Variants in PRDM16 observed in about 807,000 individuals in gnomAD.
The protein encoded by PRDM16 is histone-lysine N-methyltransferase PRDM16.
In PRDM16, 23 loss-of-function variants were observed where a neutral mutation model predicts 110.6. The ratio of observed to expected loss-of-function variants is 0.21; its 90% CI spans 0.15 to 0.29. PRDM16 has a LOEUF of 0.29. PRDM16 is among the 10% of genes least tolerant of loss of function. The pLI is 1.00. For synonymous variants in PRDM16, 799 were observed against 781.8 expected (o/e 1.02, Z -0.37); for missense variants, 1,615 against 1,794.3 (o/e 0.90, Z 1.81).
chr1:3,118,349 T>C (rs1470076696), intron 1 of PRDM16, among the ~76,000 whole-genome samples: 1 of 152,144 alleles, frequency 6.6e-6, no homozygotes, highest in Non-Finnish European at 1.5e-5. Context: ...GGATGGCAAT[T>C]CACACTCCTG....
rs767242607 is a variant in PRDM16 at position 3,412,047 on chromosome 1, C to T, written c.1850C>T (p.Thr617Met). The T allele has an allele frequency of 1.3e-5, 21 of 1,610,946 alleles. No individual in the cohort carries two copies. Among genetic ancestry groups the T allele is most frequent in the Middle Eastern group, 1.6e-4 (1 of 6,070 alleles). ...ACCACCACGGGGACCGACCTGGACA[C>T]GACCACGGGGACGGGCTCGGACCTG... ...VNTTTGTDLD[T>M]TTGTGSDLDS... The change falls in exon 9 of 17, where the codon ACG becomes ATG. Residue 617 changes from threonine (T) to methionine (M), a missense_variant. Coordinates refer to ENST00000270722, the MANE Select transcript of PRDM16 (RefSeq NM_022114.4).
At chr1:3,297,548 C>T (rs972485093) in intron 3 of PRDM16, among the ~76,000 whole-genome samples, 3 of 152,030 alleles carry the variant, frequency 2.0e-5, no homozygotes, top group Non-Finnish European at 4.4e-5. Context: ...TCTCCAAAAA[C>T]GGTGGGATTG....
chr1:3,279,678 A>G (rs1350838874), intron 3 of PRDM16, among the ~76,000 whole-genome samples: 1 of 152,128 alleles, frequency 6.6e-6, no homozygotes, highest in East Asian at 1.9e-4. Context: ...GTGCTGCAGG[A>G]GGGCAGAGGG....
At chr1:3,376,968 G>A (rs577881040) in intron 3 of PRDM16, among the ~76,000 whole-genome samples, 5 of 152,314 alleles carry the variant, frequency 3.3e-5, no homozygotes, top group African/African-American at 9.6e-5. Context: ...TGTTCACACC[G>A]GACCGAGGTG....
Position 3,412,479 on chromosome 1 carries a change from C to T in PRDM16, c.2282C>T (p.Ala761Val). The change falls in exon 9 of 17, where the codon GCC becomes GTC. Residue 761 changes from alanine (A) to valine (V), a missense_variant. Physicochemically the swap from Ala to Val is moderately conservative, Grantham distance 64. Around this residue, in one of 5 missense-constraint regions of PRDM16, gnomAD observed 772 missense variants for 748.3 expected, o/e 1.03. Transcript: ENST00000270722. ...VKAEPKSPRDALKVGGPSAEC... is the reference protein window; with the variant it reads ...VKAEPKSPRDVLKVGGPSAEC... The stretch of plus-strand genomic sequence containing the variant: ...GCCGAGCCAAAGTCACCCCGGGACG[C>T]CCTCAAGGTGGGCGGCCCCAGTGCC... The T allele has an allele frequency of 6.2e-7, 1 of 1,613,512 alleles. No homozygotes were observed. Among genetic ancestry groups the T allele is most frequent in the East Asian group, 2.2e-5 (1 of 44,868 alleles).
At chr1:3,424,393 C>T (rs1446560284) in intron 12 of PRDM16, among the ~76,000 whole-genome samples, 1 of 152,268 alleles carries the variant, frequency 6.6e-6, no homozygotes, top group Non-Finnish European at 1.5e-5. Flanking sequence ...GAACCCTCCA[C>T]ACGCAGCCCT....
intron 2 of PRDM16, among the ~76,000 whole-genome samples, chr1:3,232,010 A>G (rs2455116): frequency 0.39 from 59,961 of 152,174 alleles, 17,804 homozygotes; most frequent in African/African-American, 0.82. Context: ...TTAGGAAAGC[A>G]TGCAGTCTTG....
In PRDM16 at chr1:3,085,334, C is replaced by T. The variant is rs116697061; in HGVS notation, c.37+16038C>T. 3.3e-3 allele frequency among the ~76,000 whole-genome samples: 496 copies of T among 152,318 alleles called. 1 individual carries two copies. The highest frequency in any genetic ancestry group is 6.1e-3 in the Admixed American group (94 of 15,308). On this transcript the variant is annotated intron_variant, in intron 1 of 16. Transcript: ENST00000270722. ...CATCCCACAGCCAAGAACCAAGGTGCGGCTAGATACCCAGCAGGACCTGGG... is the reference window on the plus strand; with the variant it reads ...CATCCCACAGCCAAGAACCAAGGTGTGGCTAGATACCCAGCAGGACCTGGG...
At chr1:3,322,312 G>A (rs188898947) in intron 3 of PRDM16, among the ~76,000 whole-genome samples, 12 of 152,224 alleles carry the variant, frequency 7.9e-5, no homozygotes, top group Admixed American at 6.5e-4. Context: ...AAACAGGCCC[G>A]GAATAAACGG....
intron 3 of PRDM16, among the ~76,000 whole-genome samples, chr1:3,360,747 C>T (rs1244442903): frequency 6.6e-6 from 1 of 152,196 alleles, no homozygotes; most frequent in African/African-American, 2.4e-5. Context: ...GACAGGAGTC[C>T]AACTGACCGA....
chr1:3,344,404 G>T (rs1216786382), intron 3 of PRDM16, among the ~76,000 whole-genome samples: 1 of 151,978 alleles, frequency 6.6e-6, no homozygotes, highest in Non-Finnish European at 1.5e-5. Context: ...ATTATAATTG[G>T]CATTTCCCTG....
At chr1:3,219,552 G>C (rs1237649577) in intron 2 of PRDM16, among the ~76,000 whole-genome samples, 1 of 152,232 alleles carries the variant, frequency 6.6e-6, no homozygotes, top group Non-Finnish European at 1.5e-5. Context: ...GGAACAGAGA[G>C]AGTCAGAAGC....
At chr1:3,138,859 G>C (rs1293020059) in intron 1 of PRDM16, among the ~76,000 whole-genome samples, 3 of 152,180 alleles carry the variant, frequency 2.0e-5, no homozygotes, top group Non-Finnish European at 2.9e-5. Context: ...GCTTGGTGCA[G>C]CTGCCATCTT....
At chr1:3,216,615 G>T (rs987003209) in intron 2 of PRDM16, among the ~76,000 whole-genome samples, 4 of 152,192 alleles carry the variant, frequency 2.6e-5, no homozygotes, top group Non-Finnish European at 4.4e-5. Context: ...GCTGAGGTGG[G>T]CATCCTAGCA....
chr1:3,191,295 C>T (rs1345141281), intron 2 of PRDM16, among the ~76,000 whole-genome samples: 1 of 152,186 alleles, frequency 6.6e-6, no homozygotes, highest in Non-Finnish European at 1.5e-5. Context: ...GTTCAATCAA[C>T]AAATGCACTG....
intron 3 of PRDM16, among the ~76,000 whole-genome samples, chr1:3,248,839 C>A (rs1374636460): frequency 6.6e-6 from 1 of 152,220 alleles, no homozygotes; most frequent in Non-Finnish European, 1.5e-5. Flanking sequence ...TTTTCTATAG[C>A]CCGGCCCGGG....
intron 3 of PRDM16, among the ~76,000 whole-genome samples, chr1:3,270,904 G>A (rs1640438309): frequency 6.6e-6 from 1 of 151,688 alleles, no homozygotes; most frequent in South Asian, 2.1e-4. Context: ...GAGGAGGGCA[G>A]TACAGAGGAG....
intron 3 of PRDM16, among the ~76,000 whole-genome samples, chr1:3,355,127 T>C (rs747940351): frequency 6.6e-6 from 1 of 151,960 alleles, no homozygotes; most frequent in Non-Finnish European, 1.5e-5. Context: ...CTCATAGTGC[T>C]GAGGATTGGA....
rs569041277 is a variant in PRDM16 at position 3,265,977 on chromosome 1, C to T, written c.438+21840C>T. Among the ~76,000 whole-genome samples the T allele has an allele frequency of 5.3e-5, 8 of 152,176 alleles. No individual in the cohort carries two copies. Among genetic ancestry groups the T allele is most frequent in the East Asian group, 1.9e-4 (1 of 5,182 alleles). ...CAGGCCCAGCCCCCAACTCAAGGGCCGCCCTCCAGCCTAGCGACGCCACCT... is the reference window on the plus strand; with the variant it reads ...CAGGCCCAGCCCCCAACTCAAGGGCTGCCCTCCAGCCTAGCGACGCCACCT... On this transcript the variant is annotated intron_variant, in intron 3 of 16. Transcript: ENST00000270722. The surrounding 1 kb of genome is among the most constrained non-coding windows in gnomAD (Gnocchi z 4.5).
Sources: gnomAD v4.1 joint callset for allele counts (sites outside exome capture counted in the v4.1 genomes callset) on GRCh38, gnomAD v4.1.1 for gene constraint, gnomAD v4.1.1 regional missense constraint, Gnocchi (gnomAD v3.1) non-coding constraint, MANE v1.5 for transcripts, NCBI Gene and HGNC (gene_info 2026-07-23, HGNC 2026-07-21) for gene names.